KCNN2: variants seen among roughly 807,000 people sequenced by gnomAD.
KCNN2 encodes the protein potassium calcium-activated channel subfamily N member 2, also known as small conductance calcium-activated potassium channel protein 2.
In KCNN2, 24 loss-of-function variants were observed where a neutral mutation model predicts 55.5. That is an observed-to-expected ratio of 0.43 (90% confidence interval 0.31 to 0.61). The LOEUF (loss-of-function observed/expected upper bound fraction) is 0.61. KCNN2 is among the 20% of genes least tolerant of loss of function. The pLI, the probability that KCNN2 is intolerant of heterozygous loss-of-function variation, is 0.08. For synonymous variants in KCNN2, 431 were observed against 336.1 expected, an observed-to-expected ratio of 1.28 and a Z score of -3.09; for missense variants, 754 against 853.6, an observed-to-expected ratio of 0.88 and a Z score of 1.45.
chr5:114,378,655 CG>C (rs374670037), intron 2 of KCNN2, among the ~76,000 whole-genome samples: 95 of 152,132 alleles, frequency 6.2e-4, no homozygotes, highest in African/African-American at 2.2e-3. Flanking sequence ...TCTGGTGCCT[CG>C]GGGTTGGGAG....
At chr5:114,472,214 C>T (rs62379177) in intron 4 of KCNN2, among the ~76,000 whole-genome samples, 5,488 of 148,680 alleles carry the variant, frequency 0.037, 125 homozygotes, top group Middle Eastern at 0.089. Flanking sequence ...ACCCTCCAAT[C>T]GGTGCCCCAG....
chr5:114,460,241 T>C (rs1761129646), intron 3 of KCNN2, among the ~76,000 whole-genome samples: 1 of 152,048 alleles, frequency 6.6e-6, no homozygotes, highest in Admixed American at 6.6e-5. Context: ...TTTTTGTTTG[T>C]TTGTTTGTTG....
At chr5:114,133,422 A>G (rs1752109577) in intron 1 of KCNN2, among the ~76,000 whole-genome samples, 1 of 152,218 alleles carries the variant, frequency 6.6e-6, no homozygotes, top group Non-Finnish European at 1.5e-5. Context: ...GGCTTAGAGT[A>G]TAATTGCTGA....
chr5:114,446,085 C>T (rs1208592435), intron 3 of KCNN2, among the ~76,000 whole-genome samples: 2 of 152,196 alleles, frequency 1.3e-5, no homozygotes, highest in African/African-American at 4.8e-5. Flanking sequence ...TTGGTACAGT[C>T]TTCCTATGAA....
At position 114,487,151 on chromosome 5, in the gene KCNN2, A is replaced by G. The variant is rs141459752; in HGVS notation, c.1992A>G (p.Gln664=). 442 of 1,613,040 alleles carry G rather than the reference A, an allele frequency of 2.7e-4. 2 individuals carry two copies. The African/African-American group carries it at 5.1e-3, about 19-fold the overall frequency. Residue 664 remains glutamine (Q), a synonymous_variant, in exon 6 of 8, where the codon CAA becomes CAG. Coordinates refer to ENST00000673685, the MANE Select transcript of KCNN2 (RefSeq NM_021614.4). ...KIDHAKVRKH[Q]RKFLQAIHQL... ...ATCATGCAAAAGTAAGAAAACATCA[A>G]CGAAAATTCCTGCAAGCTATTCATC...
intron 2 of KCNN2, among the ~76,000 whole-genome samples, chr5:114,318,303 C>G (rs1407195845): frequency 6.6e-6 from 1 of 152,142 alleles, no homozygotes; most frequent in Non-Finnish European, 1.5e-5. Context: ...GGAATATTAT[C>G]AAATCCTTAT....
At chr5:114,145,564 G>C (rs777671705) in intron 1 of KCNN2, among the ~76,000 whole-genome samples, 1 of 152,156 alleles carries the variant, frequency 6.6e-6, no homozygotes, top group East Asian at 1.9e-4. Flanking sequence ...ATATCCATTA[G>C]TGGGTCCCAG....
Position 114,362,115 on chromosome 5 carries a change from T to G in KCNN2, c.-25T>G, listed in dbSNP as rs1308893323. 1 of 155,612 alleles carries G rather than the reference T, an allele frequency of 6.4e-6. No individual in the cohort carries two copies. Among genetic ancestry groups the G allele is most frequent in the Non-Finnish European group, 1.4e-5 (1 of 70,188 alleles). 9.6% of individuals were successfully genotyped at this position (155,612 alleles called of 1,614,324 possible). The stretch of plus-strand genomic sequence containing the variant: ...GCGCAGGGTGCACCACCGCTTGGTC[T>G]CCCTGCAGCTTTAACAGCCCTGACA... On this transcript the variant is annotated 5_prime_UTR_variant, in exon 1 of 8. Transcript: ENST00000673685.
rs555610593 is a variant in KCNN2, at chr5:114,429,023, A to G, written c.1637+24167A>G. Among the ~76,000 whole-genome samples the G allele has an allele frequency of 3.3e-5, 5 of 152,126 alleles. No individual in the cohort carries two copies. In the South Asian group the frequency reaches 1.0e-3, roughly 32 times the overall value. ...GGGCAATTATAAATATAACTGTTAT[A>G]GACATTTCATGTGTAGGTTTTTGAG... On this transcript the variant is annotated intron_variant, in intron 3 of 7. Coordinates refer to ENST00000673685, the MANE Select transcript of KCNN2 (RefSeq NM_021614.4).
chr5:114,092,407 G>A (rs549859973), intron 1 of KCNN2, among the ~76,000 whole-genome samples: 5 of 152,260 alleles, frequency 3.3e-5, no homozygotes, highest in African/African-American at 1.2e-4. Flanking sequence ...CTGCTTTCAC[G>A]GCCAGGCTGT....
chr5:114,281,182 G>T (rs1477407199), intron 2 of KCNN2, among the ~76,000 whole-genome samples: 1 of 152,106 alleles, frequency 6.6e-6, no homozygotes, highest in East Asian at 1.9e-4. Context: ...ATTGTATAAT[G>T]CATTTATTTG....
intron 2 of KCNN2, among the ~76,000 whole-genome samples, chr5:114,274,727 G>A (rs546883432): frequency 3.9e-4 from 59 of 152,280 alleles, no homozygotes; most frequent in African/African-American, 1.3e-3. Flanking sequence ...AGATTAAGGA[G>A]ATTTTGGGAT....
chr5:114,473,229 T>C lies in KCNN2; in HGVS notation c.1890+65T>C, dbSNP rs775778083. 13 of 1,082,456 alleles carry C rather than the reference T, an allele frequency of 1.2e-5. No individual in the cohort carries two copies. The Admixed American group carries it at 2.0e-4, about 16-fold the overall frequency. 67.1% of individuals were successfully genotyped at this position (1,082,456 alleles called of 1,614,324 possible). A position where few individuals can be genotyped will look rare whatever the true frequency, so the allele number is the denominator to read the frequency against. On this transcript the variant is annotated intron_variant, in intron 5 of 7. Transcript: ENST00000673685. Reference sequence around the variant, plus strand: ...GTGATTTTTTCAGTGTTAGGAAATATGGTTTTTATTTTGACATCCGAAGCT... The same window carrying C: ...GTGATTTTTTCAGTGTTAGGAAATACGGTTTTTATTTTGACATCCGAAGCT...
At chr5:114,432,297 G>A (rs928723234) in intron 3 of KCNN2, among the ~76,000 whole-genome samples, 1 of 152,226 alleles carries the variant, frequency 6.6e-6, no homozygotes, top group African/African-American at 2.4e-5. Flanking sequence ...CTCCTTGGAA[G>A]ATTGACCTTT....
intron 1 of KCNN2, among the ~76,000 whole-genome samples, chr5:114,184,912 A>G (rs1388782921): frequency 1.3e-5 from 2 of 152,216 alleles, no homozygotes; most frequent in Non-Finnish European, 2.9e-5. Context: ...TCTGTGTATC[A>G]TTTAAAGCGT....
chr5:114,159,965 CA>C (rs1308650404), intron 1 of KCNN2, among the ~76,000 whole-genome samples: 7 of 152,112 alleles, frequency 4.6e-5, no homozygotes, highest in African/African-American at 1.7e-4. Context: ...CTCCTGGATT[CA>C]TTGATTTTTT....
At chr5:114,360,542 G>C (rs1335743977), upstream of KCNN2, among the ~76,000 whole-genome samples, 1 of 152,138 alleles carries the variant, frequency 6.6e-6, no homozygotes, top group Non-Finnish European at 1.5e-5. Context: ...ACCTTCTTTA[G>C]GGGGAGACGG....
chr5:114,452,791 CAAGT>C (rs1561393191), intron 3 of KCNN2, among the ~76,000 whole-genome samples: 2 of 152,208 alleles, frequency 1.3e-5, no homozygotes, highest in African/African-American at 4.8e-5. Flanking sequence ...ATATCAGCAA[CAAGT>C]AAGAGACACG....
chr5:114,396,474 A>G (rs1758620959), intron 2 of KCNN2, among the ~76,000 whole-genome samples: 1 of 152,076 alleles, frequency 6.6e-6, no homozygotes, highest in East Asian at 1.9e-4. Flanking sequence ...TTTGTTATAC[A>G]GATAAATTGT....
Sources: allele counts gnomAD v4.1 joint callset (sites outside exome capture counted in the v4.1 genomes callset), GRCh38; gene constraint gnomAD v4.1.1; transcripts MANE v1.5; gene names NCBI Gene and HGNC (gene_info 2026-07-23, HGNC 2026-07-21).